EPM2AIP1: variants seen among roughly 807,000 people sequenced by gnomAD.
EPM2AIP1 encodes EPM2A-interacting protein 1.
In EPM2AIP1, 23 loss-of-function variants were observed where a neutral mutation model predicts 44.8. The ratio of observed to expected loss-of-function variants is 0.51; its 90% CI spans 0.37 to 0.73. EPM2AIP1 has a LOEUF of 0.73. Ranked by LOEUF, EPM2AIP1 falls within the 30% of genes least tolerant of loss-of-function variation. EPM2AIP1 has a pLI of 0.00. For synonymous variants in EPM2AIP1, 311 were observed against 284.3 expected (o/e 1.09, Z -0.94); for missense variants, 652 against 743.9 (o/e 0.88, Z 1.44).
At position 36,985,936 on chromosome 3, in the gene EPM2AIP1, T is replaced by C. The variant is rs2080767246; in HGVS notation, c.*5318A>G. 6.6e-6 allele frequency: 1 copy of C among 152,244 alleles called. No homozygotes were observed. 9.4% of individuals were successfully genotyped at this position (152,244 alleles called of 1,614,324 possible). A position where few individuals can be genotyped will look rare whatever the true frequency, so the allele number is the denominator to read the frequency against. On this transcript the variant is annotated 3_prime_UTR_variant, in exon 1 of 1. Transcript: ENST00000322716. ...ATTTTGCCCATGGACCATAGTTTGA[T>C]CATGGCCAACCTATGATCTAAACCA...
At position 36,991,037 on chromosome 3, in the gene EPM2AIP1, C is replaced by T. The variant is rs531433488; in HGVS notation, c.*217G>A. The T allele has an allele frequency of 5.2e-5, 65 of 1,245,272 alleles. No individual in the cohort carries two copies. In the African/African-American group the frequency reaches 8.7e-4, roughly 17 times the overall value. The allele number at this position is 1,245,272 out of a possible 1,614,324, so 77.1% of individuals were successfully genotyped here. A position where few individuals can be genotyped will look rare whatever the true frequency, so the allele number is the denominator to read the frequency against. On this transcript the variant is annotated 3_prime_UTR_variant, in exon 1 of 1. Transcript: ENST00000322716. ...AAAAGACAATGACTTTGTCACTAAA[C>T]TAAGTTTTAAAAAAGGTGGCATTCT...
In EPM2AIP1 at chr3:36,988,124, G is replaced by A. The variant is rs1292986101; in HGVS notation, c.*3130C>T. 6.6e-6 allele frequency: 1 copy of A among 152,206 alleles called. No homozygotes were observed. Among genetic ancestry groups the A allele is most frequent in the Non-Finnish European group, 1.5e-5 (1 of 68,050 alleles). 9.4% of individuals were successfully genotyped at this position (152,206 alleles called of 1,614,324 possible). ...AGTGGCATACTGAGACCTTAAAGAT[G>A]AAGATAAATTTGTATTGTACCCTAA... On this transcript the variant is annotated 3_prime_UTR_variant, in exon 1 of 1. Transcript: ENST00000322716.
rs1412796267 is a variant in EPM2AIP1 at position 36,991,074 on chromosome 3, C to T, written c.*180G>A. The T allele has an allele frequency of 1.9e-5, 25 of 1,323,928 alleles. No homozygotes were observed. The highest frequency in any genetic ancestry group is 2.4e-5 in the Non-Finnish European group (25 of 1,037,668). The allele number at this position is 1,323,928 out of a possible 1,614,324, so 82.0% of individuals were successfully genotyped here. A position where few individuals can be genotyped will look rare whatever the true frequency, so the allele number is the denominator to read the frequency against. On this transcript the variant is annotated 3_prime_UTR_variant, in exon 1 of 1. Transcript: ENST00000322716. ...AAAGGTGGCATTCTCATGTTTCAGT[C>T]CCATGCTGCCATTTGAGATGAAAAA... is the stretch of plus-strand genomic sequence containing the variant.
At position 36,990,412 on chromosome 3, in the gene EPM2AIP1, T is replaced by G. The variant is rs911851676; in HGVS notation, c.*842A>C. On this transcript the variant is annotated 3_prime_UTR_variant, in exon 1 of 1. Coordinates refer to ENST00000322716, the MANE Select transcript of EPM2AIP1 (RefSeq NM_014805.4). ...GGAGTGCAATCTTTTTTCCTCATCG[T>G]TTTTGATAGGGCCAAACTTGTGTCT... 3.0e-6 allele frequency: 3 copies of G among 984,796 alleles called. No individual in the cohort carries two copies. In the African/African-American group the frequency reaches 5.3e-5, roughly 17 times the overall value. The allele number at this position is 984,796 out of a possible 1,614,324, so 61.0% of individuals were successfully genotyped here. A position where few individuals can be genotyped will look rare whatever the true frequency, so the allele number is the denominator to read the frequency against.
chr3:36,985,106 C>T lies in EPM2AIP1; in HGVS notation c.*6148G>A, dbSNP rs939962966. 1 of 152,130 alleles carries T rather than the reference C, an allele frequency of 6.6e-6. No individual in the cohort carries two copies. Among genetic ancestry groups the T allele is most frequent in the African/African-American group, 2.4e-5 (1 of 41,406 alleles). 9.4% of individuals were successfully genotyped at this position (152,130 alleles called of 1,614,324 possible). ...TGGAAACAACCTAAATTTCTATCAA[C>T]GGTAGAATGGGTAAGTTGTGATGTA... On this transcript the variant is annotated 3_prime_UTR_variant, in exon 1 of 1. Transcript: ENST00000322716.
In EPM2AIP1 at chr3:36,987,477, G is replaced by T. The variant is rs1388038991; in HGVS notation, c.*3777C>A. On this transcript the variant is annotated 3_prime_UTR_variant, in exon 1 of 1. Transcript: ENST00000322716. ...TATATATATGACACTGTTTACAAAG[G>T]GTAAAAAAAAATAAGATTCTATACA... The T allele has an allele frequency of 6.8e-6, 1 of 146,738 alleles. No homozygotes were observed. Among genetic ancestry groups the T allele is most frequent in the Non-Finnish European group, 1.5e-5 (1 of 66,686 alleles). 9.1% of individuals were successfully genotyped at this position (146,738 alleles called of 1,614,324 possible). A position where few individuals can be genotyped will look rare whatever the true frequency, so the allele number is the denominator to read the frequency against.
chr3:36,990,936 C>G lies in EPM2AIP1; in HGVS notation c.*318G>C, dbSNP rs560189614. The G allele has an allele frequency of 9.8e-7, 1 of 1,022,638 alleles. No homozygotes were observed. Among genetic ancestry groups the G allele is most frequent in the East Asian group, 8.7e-5 (1 of 11,538 alleles). The allele number at this position is 1,022,638 out of a possible 1,614,324, so 63.3% of individuals were successfully genotyped here. On this transcript the variant is annotated 3_prime_UTR_variant, in exon 1 of 1. Coordinates refer to ENST00000322716, the MANE Select transcript of EPM2AIP1 (RefSeq NM_014805.4). ...AAGAGCTGAAATTTTTGGCATTTAT[C>G]TTCAGAACACCTAAAAAACAGACTG...
In EPM2AIP1 at chr3:36,990,783, T is replaced by G. The variant is rs978059611; in HGVS notation, c.*471A>C. 1.0e-6 allele frequency: 1 copy of G among 986,008 alleles called. No homozygotes were observed. Among genetic ancestry groups the G allele is most frequent in the Non-Finnish European group, 1.2e-6 (1 of 830,330 alleles). 61.1% of individuals were successfully genotyped at this position (986,008 alleles called of 1,614,324 possible). On this transcript the variant is annotated 3_prime_UTR_variant, in exon 1 of 1. Transcript: ENST00000322716. ...GTTAGACAAAACACCTCCACTGTTA[T>G]GTATGGGCTTCCTTTTTGGAAACTT...
Position 36,991,928 on chromosome 3 carries a change from A to T in EPM2AIP1, c.1150T>A (p.Leu384Met). Residue 384 changes from leucine (L) to methionine (M), a missense_variant, in exon 1 of 1, where the codon TTG (leucine) becomes ATG (methionine). Coordinates refer to ENST00000322716, the MANE Select transcript of EPM2AIP1 (RefSeq NM_014805.4). ...CGAAGGTGTTCCATAATGTCCACCA[A>T]GAAGCCAAAGTCACAAAGCCATTGT... is the stretch of plus-strand genomic sequence containing the variant. ...DKQWLCDFGF[L>M]VDIMEHLREL... 1 of 1,614,024 alleles carries T rather than the reference A, an allele frequency of 6.2e-7. No individual in the cohort carries two copies.
rs570197667 is a variant in EPM2AIP1, at chr3:36,986,427, T to C, written c.*4827A>G. On this transcript the variant is annotated 3_prime_UTR_variant, in exon 1 of 1. Transcript: ENST00000322716. Reference sequence around the variant, plus strand: ...TTAATATCAAAAAGAAAGATAAAAATGGGAAATCCTTTTACAAATAAATAA... The same window carrying C: ...TTAATATCAAAAAGAAAGATAAAAACGGGAAATCCTTTTACAAATAAATAA... The C allele has an allele frequency of 3.9e-5, 6 of 152,248 alleles. No homozygotes were observed. The highest frequency in any genetic ancestry group is 3.4e-3 in the Middle Eastern group (1 of 294). 9.4% of individuals were successfully genotyped at this position (152,248 alleles called of 1,614,324 possible). A position where few individuals can be genotyped will look rare whatever the true frequency, so the allele number is the denominator to read the frequency against.
At position 36,985,982 on chromosome 3, in the gene EPM2AIP1, A is replaced by G. The variant is rs975544870; in HGVS notation, c.*5272T>C. On this transcript the variant is annotated 3_prime_UTR_variant, in exon 1 of 1. Transcript: ENST00000322716. ...AACCAAAGTCCCTAGGCAAGTTGCA[A>G]TAGAAAAGTTGTGTGAGACAGTGAG... 1 of 152,238 alleles carries G rather than the reference A, an allele frequency of 6.6e-6. No homozygotes were observed. Among genetic ancestry groups the G allele is most frequent in the Non-Finnish European group, 1.5e-5 (1 of 68,048 alleles). 9.4% of individuals were successfully genotyped at this position (152,238 alleles called of 1,614,324 possible). A position where few individuals can be genotyped will look rare whatever the true frequency, so the allele number is the denominator to read the frequency against.
Position 36,992,768 on chromosome 3 carries a change from G to A in EPM2AIP1, c.310C>T (p.Leu104Phe). Residue 104 changes from leucine (L) to phenylalanine (F), a missense_variant, in exon 1 of 1, where the codon CTC (leucine) becomes TTC (phenylalanine). Transcript: ENST00000322716. This position sits in a 1 kb window ranked among gnomAD's most constrained non-coding sequence, Gnocchi z 5.3. ...EERAARAGLG[L>F]CRLLALKGRG... is the part of the protein sequence containing the mutation. The stretch of plus-strand genomic sequence containing the variant: ...CCCTTCAAGGCCAAGAGGCGGCAGA[G>A]CCCGAGGCCTGCACGAGCAGCTCTC... 6.2e-7 allele frequency: 1 copy of A among 1,613,764 alleles called. No individual in the cohort carries two copies. Among genetic ancestry groups the A allele is most frequent in the African/African-American group, 1.3e-5 (1 of 75,068 alleles).
chr3:36,989,042 C>G lies in EPM2AIP1; in HGVS notation c.*2212G>C, dbSNP rs1010252586. On this transcript the variant is annotated 3_prime_UTR_variant, in exon 1 of 1. Transcript: ENST00000322716. ...CTAGCTTATAGCAAATTCTCTATAG[C>G]TAAGGGTCAATTTAAAATCCTTGGC... The G allele has an allele frequency of 1.4e-5, 2 of 139,900 alleles. No homozygotes were observed. The highest frequency in any genetic ancestry group is 3.0e-5 in the Non-Finnish European group (2 of 65,862). The allele number at this position is 139,900 out of a possible 1,614,324, so 8.7% of individuals were successfully genotyped here.
rs2080795294 is a variant in EPM2AIP1, at chr3:36,990,393, CA to C, written c.*860del. 1 of 982,090 alleles carries C rather than the reference CA, an allele frequency of 1.0e-6. No individual in the cohort carries two copies. The highest frequency in any genetic ancestry group is 6.2e-5 in the Admixed American group (1 of 16,054). 60.8% of individuals were successfully genotyped at this position (982,090 alleles called of 1,614,324 possible). A position where few individuals can be genotyped will look rare whatever the true frequency, so the allele number is the denominator to read the frequency against. On this transcript the variant is annotated 3_prime_UTR_variant, in exon 1 of 1. Coordinates refer to ENST00000322716, the MANE Select transcript of EPM2AIP1 (RefSeq NM_014805.4). Reference sequence around the variant, plus strand: ...TCTCACACCTCCTAATCCTGGAGTGCAATCTTTTTTCCTCATCGTTTTTGAT... The same window carrying C: ...TCTCACACCTCCTAATCCTGGAGTGCATCTTTTTTCCTCATCGTTTTTGAT...
rs760126765 is a variant in EPM2AIP1, at chr3:36,991,725, A to G, written c.1353T>C (p.Asp451=). 2.5e-6 allele frequency: 4 copies of G among 1,613,400 alleles called. No individual in the cohort carries two copies. The highest frequency in any genetic ancestry group is 1.3e-5 in the African/African-American group (1 of 74,970). The change falls in exon 1 of 1, where the codon GAT becomes GAC. Residue 451 remains aspartate (D), a synonymous_variant. Transcript: ENST00000322716. The part of the protein sequence containing the change: ...VDELKQQNKE[D]EKIFDPDRYQ... ...ACCTATCAGGATCAAATATTTTTTC[A>G]TCTTCCTTATTTTGCTGTTTTAGCT...
Position 36,992,460 on chromosome 3 carries a change from T to C in EPM2AIP1, c.618A>G (p.Glu206=). The part of the protein sequence containing the change: ...RGVGPELEVQ[E]DLLTIINLTH... ...TCAGGTTGATTATGGTCAGAAGATC[T>C]TCTTGCACCTCCAACTCAGGGCCTA... The change falls in exon 1 of 1, where the codon GAA becomes GAG. Residue 206 remains glutamate (E), a synonymous_variant. Transcript: ENST00000322716. The surrounding 1 kb of genome is among the most constrained non-coding windows in gnomAD (Gnocchi z 5.3). 6.2e-7 allele frequency: 1 copy of C among 1,613,942 alleles called. No individual in the cohort carries two copies. The highest frequency in any genetic ancestry group is 8.5e-7 in the Non-Finnish European group (1 of 1,179,868).
At position 36,992,502 on chromosome 3, in the gene EPM2AIP1, C is replaced by A. The variant is rs2080831012; in HGVS notation, c.576G>T (p.Leu192=). 2 of 1,613,840 alleles carry A rather than the reference C, an allele frequency of 1.2e-6. No individual in the cohort carries two copies. The highest frequency in any genetic ancestry group is 1.7e-6 in the Non-Finnish European group (2 of 1,179,904). Residue 192 remains leucine, a synonymous_variant, in exon 1 of 1, where the codon CTG becomes CTT. Transcript: ENST00000322716. The surrounding 1 kb of genome is among the most constrained non-coding windows in gnomAD (Gnocchi z 5.3). ...CAGGGCCTACACCGCGGATAAAGACCAGGAGGTAGTTCTCATAGGCCACAA... is the reference window on the plus strand; with the variant it reads ...CAGGGCCTACACCGCGGATAAAGACAAGGAGGTAGTTCTCATAGGCCACAA... The part of the protein sequence containing the change: ...QAFVAYENYL[L]VFIRGVGPEL...
Position 36,991,131 on chromosome 3 carries a change from A to T in EPM2AIP1, c.*123T>A. The T allele has an allele frequency of 7.1e-6, 10 of 1,402,420 alleles. No homozygotes were observed. Among genetic ancestry groups the T allele is most frequent in the Non-Finnish European group, 8.4e-6 (9 of 1,073,036 alleles). 86.9% of individuals were successfully genotyped at this position (1,402,420 alleles called of 1,614,324 possible). On this transcript the variant is annotated 3_prime_UTR_variant, in exon 1 of 1. Coordinates refer to ENST00000322716, the MANE Select transcript of EPM2AIP1 (RefSeq NM_014805.4). Reference sequence around the variant, plus strand: ...AACTGTCAGAATTTTAATTGTGATCAGTTTGGACGGCTGGTACTTGGTACT... The same window carrying T: ...AACTGTCAGAATTTTAATTGTGATCTGTTTGGACGGCTGGTACTTGGTACT...
rs2080791489 is a variant in EPM2AIP1, at chr3:36,989,649, T to C, written c.*1605A>G. Reference sequence around the variant, plus strand: ...ATCCCTTGAAATAAAATAATCTACATTTTGGGAGGGCTAATTCTTCATTGT... The same window carrying C: ...ATCCCTTGAAATAAAATAATCTACACTTTGGGAGGGCTAATTCTTCATTGT... On this transcript the variant is annotated 3_prime_UTR_variant, in exon 1 of 1. Coordinates refer to ENST00000322716, the MANE Select transcript of EPM2AIP1 (RefSeq NM_014805.4). 6.6e-6 allele frequency: 1 copy of C among 151,950 alleles called. No individual in the cohort carries two copies. The highest frequency in any genetic ancestry group is 1.5e-5 in the Non-Finnish European group (1 of 68,006). 9.4% of individuals were successfully genotyped at this position (151,950 alleles called of 1,614,324 possible). A position where few individuals can be genotyped will look rare whatever the true frequency, so the allele number is the denominator to read the frequency against.
Sources: gnomAD v4.1 joint callset for allele counts on GRCh38, gnomAD v4.1.1 for gene constraint, Gnocchi (gnomAD v3.1) non-coding constraint, MANE v1.5 for transcripts, NCBI Gene and HGNC (gene_info 2026-07-23, HGNC 2026-07-21) for gene names.